RFPL1: variants seen among roughly 807,000 people sequenced by gnomAD.
RFPL1 encodes the protein ret finger protein like 1, also known as ret finger protein-like 1.
RFPL1 carries 6 observed loss-of-function variants against 9.6 expected under a neutral mutation model. That is an observed-to-expected ratio of 0.62 (90% confidence interval 0.34 to 1.23). The LOEUF is 1.23. Among genes scored for constraint, RFPL1 ranks in the 50% most tolerant of loss-of-function variants. RFPL1 has a pLI of 0.03. For synonymous variants in RFPL1, 145 were observed against 149.4 expected, an observed-to-expected ratio of 0.97 and a Z score of 0.22; for missense variants, 352 against 398.4, an observed-to-expected ratio of 0.88 and a Z score of 0.99.
the RFPL1 span, among the ~76,000 whole-genome samples, chr22:29,428,181 C>T: frequency 6.0e-4 from 92 of 152,192 alleles, no homozygotes; most frequent in African/African-American, 1.4e-3. Context: ...TGTTGAAAAA[C>T]GAAAGGTTCA....
the RFPL1 span, among the ~76,000 whole-genome samples, chr22:29,407,109 G>A: frequency 7.9e-6 from 1 of 127,170 alleles, no homozygotes; most frequent in Non-Finnish European, 1.6e-5. Context: ...GTGTGTGTGT[G>A]TGTGTGTGAG....
chr22:29,422,976 T>C, the RFPL1 span: 2,143 of 658,826 alleles, frequency 3.3e-3, 15 homozygotes, highest in African/African-American at 0.034. Context: ...AACAGTTCAA[T>C]TTTCTAGATC....
the RFPL1 span, among the ~76,000 whole-genome samples, chr22:29,428,161 T>A: frequency 8.3e-3 from 1,260 of 152,274 alleles, 19 homozygotes; most frequent in African/African-American, 0.029. Context: ...AAACAGGGAT[T>A]CATTGCTAAT....
the RFPL1 span, among the ~76,000 whole-genome samples, chr22:29,413,414 C>G: frequency 1.3e-5 from 2 of 151,974 alleles, no homozygotes; most frequent in African/African-American, 2.4e-5. Context: ...GGAGATAAAT[C>G]AAGTATATAA....
chr22:29,430,210 G>A, the RFPL1 span, among the ~76,000 whole-genome samples: 1 of 149,770 alleles, frequency 6.7e-6, no homozygotes, highest in South Asian at 2.1e-4. Flanking sequence ...TTTTTGGGGG[G>A]CAGTGGGGTG....
At chr22:29,405,197 A>C in the RFPL1 span, among the ~76,000 whole-genome samples, 1 of 152,198 alleles carries the variant, frequency 6.6e-6, no homozygotes, top group African/African-American at 2.4e-5. Flanking sequence ...AGGGAAGTAC[A>C]GGATTGCTTT....
At chr22:29,437,760 C>T (rs1291760273), upstream of RFPL1, 14 of 1,571,070 alleles carry the variant, frequency 8.9e-6, no homozygotes, top group South Asian at 1.2e-5. Flanking sequence ...TGTGTTTTTC[C>T]TCCTTAGATG....
chr22:29,410,347 TAGATATATA>T, the RFPL1 span, among the ~76,000 whole-genome samples: 1 of 77,348 alleles, frequency 1.3e-5, no homozygotes, highest in African/African-American at 8.0e-5. Flanking sequence ...GATCTATATA[TAGATATATA>T]TGTAGATATA....
the RFPL1 span, among the ~76,000 whole-genome samples, chr22:29,395,384 C>G: frequency 3.3e-5 from 5 of 152,192 alleles, 1 homozygote; most frequent in Admixed American, 3.3e-4. Context: ...TTGTCCATAG[C>G]CTCAGGAACA....
the RFPL1 span, among the ~76,000 whole-genome samples, chr22:29,408,270 C>A: frequency 1.3e-5 from 2 of 152,288 alleles, no homozygotes; most frequent in South Asian, 2.1e-4. Context: ...TTAAACTGTT[C>A]TTAAGGTGAC....
chr22:29,432,068 G>A, the RFPL1 span, among the ~76,000 whole-genome samples: 1 of 152,168 alleles, frequency 6.6e-6, no homozygotes, highest in Non-Finnish European at 1.5e-5. Flanking sequence ...TACACTGAAG[G>A]TGTGATACGC....
upstream of RFPL1, chr22:29,438,540 G>A: frequency 1.5e-6 from 2 of 1,309,490 alleles, no homozygotes; most frequent in South Asian, 1.8e-5. Context: ...TCCCCTAGGA[G>A]GAGGTGAAAT....
chr22:29,403,156 C>G, the RFPL1 span, among the ~76,000 whole-genome samples: 2 of 152,180 alleles, frequency 1.3e-5, no homozygotes, highest in Admixed American at 1.3e-4. Flanking sequence ...CCTTCATAGA[C>G]ATAGAGAGAT....
chr22:29,408,503 G>T, the RFPL1 span, among the ~76,000 whole-genome samples: 2 of 152,222 alleles, frequency 1.3e-5, no homozygotes, highest in Non-Finnish European at 2.9e-5. Context: ...GTTCTCCTAG[G>T]TCCCATTGAA....
the RFPL1 span, among the ~76,000 whole-genome samples, chr22:29,430,101 G>A: frequency 2.0e-5 from 3 of 152,108 alleles, no homozygotes; most frequent in South Asian, 6.2e-4. Context: ...TAGTAGCCAC[G>A]TTGAAGAAAG....
At chr22:29,439,143 C>G in exon 1 of RFPL1, 1 of 1,614,078 alleles carries the variant, frequency 6.2e-7, no homozygotes, top group Non-Finnish European at 8.5e-7. Context: ...GCAGATGAAC[C>G]CAAGGATGCG....
chr22:29,392,508 G>C, the RFPL1 span, among the ~76,000 whole-genome samples: 2 of 146,712 alleles, frequency 1.4e-5, no homozygotes, highest in Admixed American at 1.4e-4. Context: ...TCCTGCCTCA[G>C]CCTCCCAAGT....
upstream of RFPL1, chr22:29,437,761 TC>T (rs201815551): frequency 2.9e-3 from 4,597 of 1,567,976 alleles, 113 homozygotes; most frequent in African/African-American, 0.057. Context: ...GTGTTTTTCC[TC>T]CTTAGATGCC....
chr22:29,410,380 A>AGATATATATATC, the RFPL1 span, among the ~76,000 whole-genome samples: 1 of 88,598 alleles, frequency 1.1e-5, no homozygotes, highest in Non-Finnish European at 2.1e-5. Flanking sequence ...ATCTATATAT[A>AGATATATATATC]TAGATATATA....
Sources: allele counts gnomAD v4.1 joint callset (sites outside exome capture counted in the v4.1 genomes callset), GRCh38; gene constraint gnomAD v4.1.1; transcripts MANE v1.5; gene names NCBI Gene and HGNC (gene_info 2026-07-23, HGNC 2026-07-21).